NUP155: variants seen among roughly 807,000 people sequenced by gnomAD.
The protein encoded by NUP155 is nucleoporin 155.
A neutral mutation model predicts 180.4 loss-of-function variants in NUP155; 71 were observed. The observed-to-expected ratio is 0.39, with a 90% confidence interval of 0.33 to 0.48. The LOEUF is 0.48. Among genes scored for constraint, NUP155 ranks in the 20% least tolerant of loss-of-function variants. The probability of loss-of-function intolerance (pLI) is 0.91; values close to 1 mark genes in which losing one functional copy is unlikely to be tolerated. For missense variants in NUP155, 1,553 were observed against 1,648.9 expected, an observed-to-expected ratio of 0.94 and a Z score of 1.01; for synonymous variants, 582 against 559.5, an observed-to-expected ratio of 1.04 and a Z score of -0.57.
chr5:37,304,064 A>C (rs1311355404), intron 27 of NUP155, among the ~76,000 whole-genome samples: 1 of 151,978 alleles, frequency 6.6e-6, no homozygotes. Flanking sequence ...CCTGGCCAAC[A>C]TGGTAAAACC....
chr5:37,293,077 C>A, intron 33 of NUP155, 92 bp from the exon 34 acceptor site: 1 of 844,704 alleles, frequency 1.2e-6, no homozygotes, highest in Non-Finnish European at 2.0e-6. Context: ...AGGATCCATG[C>A]AAAACTTATC....
Position 37,305,069 on chromosome 5 carries a change from T to C in NUP155, c.3045A>G (p.Glu1015=). ...CTATGTCCCTTACATGATGTCCTGC[T>C]TCTTCATTACTCAGCATATTTGGAT... ...SSDPNMLSNE[E]AGHHFEQMLK... is the part of the protein sequence containing the mutation. Residue 1015 remains glutamate (E), a synonymous_variant, in exon 26 of 35, where the codon GAA becomes GAG. Coordinates refer to ENST00000231498, the MANE Select transcript of NUP155 (RefSeq NM_153485.3). 1 of 1,613,608 alleles carries C rather than the reference T, an allele frequency of 6.2e-7. No individual in the cohort carries two copies. Among genetic ancestry groups the C allele is most frequent in the Non-Finnish European group, 8.5e-7 (1 of 1,180,026 alleles).
chr5:37,305,176 G>A lies in NUP155; in HGVS notation c.2938C>T (p.Gln980Ter). Residue 980 changes from glutamine (Q) to a stop codon, truncating the protein, a stop_gained, in exon 26 of 35, where the codon CAA (glutamine) becomes TAA (stop). Coordinates refer to ENST00000231498, the MANE Select transcript of NUP155 (RefSeq NM_153485.3). LOFTEE classifies it high-confidence loss of function. ...GCCTTACTTTGATTTACCAGTTCTT[G>A]AAGTGTGTCTGTAATGCATTTGTAA... Reference protein sequence around the residue: ...NSYKCITDTLQELVNQSKAAP... With the variant: ...NSYKCITDTL The A allele has an allele frequency of 6.2e-7, 1 of 1,613,502 alleles. No homozygotes were observed. Among genetic ancestry groups the A allele is most frequent in the Admixed American group, 1.7e-5 (1 of 60,010 alleles).
In NUP155 at chr5:37,363,991, T is replaced by C; in HGVS notation, c.296-7A>G. 1.3e-6 allele frequency: 2 copies of C among 1,584,180 alleles called. No homozygotes were observed. The highest frequency in any genetic ancestry group is 1.7e-6 in the Non-Finnish European group (2 of 1,152,662). ...ATGCAATTACACTGCATATCTGAGG[T>C]AGTGTGGATGTAAGGCAGACAGAGG... On this transcript the variant is annotated splice_region_variant and splice_polypyrimidine_tract_variant and intron_variant, in intron 2 of 34. Transcript: ENST00000231498.
At position 37,289,014 on chromosome 5, in the gene NUP155, T is replaced by G. The variant is rs1206312622; in HGVS notation, c.*2886A>C. ...TGAACCCAGGAAGTGGAGGTTGTGG[T>G]GAGCCAAGATCGTGCCATTGCACTC... is the stretch of plus-strand genomic sequence containing the variant. On this transcript the variant is annotated 3_prime_UTR_variant, in exon 35 of 35. Transcript: ENST00000231498. The G allele has an allele frequency of 2.6e-5, 4 of 153,744 alleles. No individual in the cohort carries two copies. Among genetic ancestry groups the G allele is most frequent in the Non-Finnish European group, 5.8e-5 (4 of 69,316 alleles). 9.5% of individuals were successfully genotyped at this position (153,744 alleles called of 1,614,324 possible). A position where few individuals can be genotyped will look rare whatever the true frequency, so the allele number is the denominator to read the frequency against.
At chr5:37,303,142 TA>T in intron 28 of NUP155, 117 bp downstream of exon 28, 1 of 1,195,322 alleles carries the variant, frequency 8.4e-7, no homozygotes, top group Non-Finnish European at 1.2e-6. Flanking sequence ...ACATCCTATT[TA>T]AAAAATTTAG....
chr5:37,356,320 T>C (rs946822574), intron 4 of NUP155, among the ~76,000 whole-genome samples: 1 of 151,678 alleles, frequency 6.6e-6, no homozygotes, highest in Non-Finnish European at 1.5e-5. Flanking sequence ...TTTAATTTAC[T>C]CTGAACTCTG....
chr5:37,360,265 C>G (rs982031469), intron 3 of NUP155, among the ~76,000 whole-genome samples: 1 of 151,946 alleles, frequency 6.6e-6, no homozygotes, highest in African/African-American at 2.4e-5. Flanking sequence ...GGGTGGATCA[C>G]GAGGTCAGGA....
In NUP155 at chr5:37,289,332, G is replaced by A. The variant is rs1437693987; in HGVS notation, c.*2568C>T. 2.0e-5 allele frequency: 3 copies of A among 152,338 alleles called. No homozygotes were observed. The highest frequency in any genetic ancestry group is 2.9e-5 in the Non-Finnish European group (2 of 68,148). 9.4% of individuals were successfully genotyped at this position (152,338 alleles called of 1,614,324 possible). On this transcript the variant is annotated 3_prime_UTR_variant, in exon 35 of 35. Coordinates refer to ENST00000231498, the MANE Select transcript of NUP155 (RefSeq NM_153485.3). ...ACAAAAAAATTCAAAAAAGTAATGC[G>A]TTGAACAAACACCAAGTACAAAGTA...
intron 28 of NUP155, 113 bp downstream of exon 28, chr5:37,303,147 A>C (rs902794244): frequency 2.4e-6 from 3 of 1,251,066 alleles, no homozygotes; most frequent in Non-Finnish European, 3.4e-6. Context: ...CTATTTAAAA[A>C]ATTTAGGTCA....
intron 10 of NUP155, 124 bp from the exon 11 acceptor site, chr5:37,341,366 A>G (rs748196010): frequency 2.6e-4 from 226 of 863,250 alleles, no homozygotes; most frequent in Non-Finnish European, 4.0e-4. Context: ...TTTCCTGACT[A>G]ATTTTTATTT....
intron 3 of NUP155, among the ~76,000 whole-genome samples, chr5:37,363,292 T>C (rs766347840): frequency 3.3e-5 from 5 of 152,158 alleles, no homozygotes; most frequent in Non-Finnish European, 7.3e-5. Context: ...ATCTTAATTA[T>C]ATGGGCTTTC....
chr5:37,338,941 A>G (rs1336920917), intron 11 of NUP155, among the ~76,000 whole-genome samples: 1 of 152,158 alleles, frequency 6.6e-6, no homozygotes, highest in African/African-American at 2.4e-5. Context: ...TAAAAATGCC[A>G]TGACTGACAA....
At chr5:37,327,599 C>A (rs1442231171) in intron 18 of NUP155, 30 bp downstream of exon 18, 1 of 1,612,112 alleles carries the variant, frequency 6.2e-7, no homozygotes, top group Admixed American at 1.7e-5. Context: ...ACAAGGTGAG[C>A]AATAATTCAT....
At chr5:37,364,116 ATACT>A (rs1221271788) in intron 2 of NUP155, 127 bp downstream of exon 2, 1 of 1,078,946 alleles carries the variant, frequency 9.3e-7, no homozygotes, top group Non-Finnish European at 1.4e-6. Context: ...TGGAACCCAT[ATACT>A]TAAACGAATT....
At position 37,290,851 on chromosome 5, in the gene NUP155, G is replaced by A. The variant is rs548878357; in HGVS notation, c.*1049C>T. ...TTTTGATTCAGTAGGTCTGGGTTGG[G>A]GCTCGAGAATTTGCATTTCTAACAA... On this transcript the variant is annotated 3_prime_UTR_variant, in exon 35 of 35. Transcript: ENST00000231498. The A allele has an allele frequency of 1.3e-5, 2 of 152,128 alleles. No homozygotes were observed. Among genetic ancestry groups the A allele is most frequent in the African/African-American group, 2.4e-5 (1 of 41,432 alleles). The allele number at this position is 152,128 out of a possible 1,614,324, so 9.4% of individuals were successfully genotyped here.
intron 21 of NUP155, among the ~76,000 whole-genome samples, chr5:37,316,058 G>A (rs534183939): frequency 6.6e-6 from 1 of 152,152 alleles, no homozygotes; most frequent in East Asian, 1.9e-4. Context: ...TCCACTTCTG[G>A]GTATATACCC....
chr5:37,326,064 T>C, intron 18 of NUP155, 97 bp from the exon 19 acceptor site: 1 of 892,828 alleles, frequency 1.1e-6, no homozygotes, highest in Non-Finnish European at 1.8e-6. Context: ...TATTCAGTTT[T>C]TAAAACTTGC....
intron 9 of NUP155, among the ~76,000 whole-genome samples, chr5:37,347,057 G>A (rs1746138408): frequency 6.6e-6 from 1 of 151,944 alleles, no homozygotes; most frequent in South Asian, 2.1e-4. Flanking sequence ...GTGAAGCCCT[G>A]TCTCTATAAA....
Sources: allele counts gnomAD v4.1 joint callset (sites outside exome capture counted in the v4.1 genomes callset), GRCh38; gene constraint gnomAD v4.1.1; transcripts MANE v1.5; gene names NCBI Gene and HGNC (gene_info 2026-07-23, HGNC 2026-07-21).